Variants in EYS observed in about 807,000 individuals in gnomAD.
The protein encoded by EYS is protein eyes shut homolog.
In EYS, 250 loss-of-function variants were observed where a neutral mutation model predicts 282.1. The ratio of observed to expected loss-of-function variants is 0.89; its 90% CI spans 0.80 to 0.98. The LOEUF is 0.98. EYS is among the 50% of genes least tolerant of loss of function. The pLI is 0.00. For missense variants in EYS, 4,016 were observed against 3,709.0 expected, an observed-to-expected ratio of 1.08 and a Z score of -2.15; for synonymous variants, 1,355 against 1,282.9, an observed-to-expected ratio of 1.06 and a Z score of -1.20.
chr6:64,813,304 G>A (rs757390698), intron 22 of EYS, 74 bp downstream of exon 22: 3 of 1,077,986 alleles, frequency 2.8e-6, no homozygotes, highest in Non-Finnish European at 4.0e-6. Context: ...ACATTGCAGA[G>A]TGCATTACTA....
intron 15 of EYS, among the ~76,000 whole-genome samples, chr6:64,933,958 A>G (rs1188184393): frequency 6.6e-6 from 1 of 151,930 alleles, no homozygotes; most frequent in Non-Finnish European, 1.5e-5. Context: ...GGAACATCAC[A>G]CACCAGGGCC....
At chr6:63,958,893 T>C (rs1765935546) in intron 35 of EYS, among the ~76,000 whole-genome samples, 5 of 152,188 alleles carry the variant, frequency 3.3e-5, no homozygotes, top group Admixed American at 1.3e-4. Flanking sequence ...CCCTTTGAAA[T>C]GTGTTCGCTG....
chr6:64,743,516 T>A (rs1772445486), intron 22 of EYS, among the ~76,000 whole-genome samples: 1 of 152,184 alleles, frequency 6.6e-6, no homozygotes, highest in Non-Finnish European at 1.5e-5. Flanking sequence ...ATTGATATTT[T>A]TGAAAGTTAT....
At chr6:65,625,896 G>A (rs1198936933) in intron 2 of EYS, among the ~76,000 whole-genome samples, 1 of 152,066 alleles carries the variant, frequency 6.6e-6, no homozygotes, top group Admixed American at 6.6e-5. Context: ...ATTCTACATC[G>A]CAATAATCAT....
chr6:65,082,758 C>T (rs944587688), intron 12 of EYS, among the ~76,000 whole-genome samples: 1 of 151,772 alleles, frequency 6.6e-6, no homozygotes, highest in Non-Finnish European at 1.5e-5. Context: ...TACTATCAGC[C>T]TGTTTTGATA....
At chr6:64,203,570 G>T (rs1765533332) in intron 31 of EYS, among the ~76,000 whole-genome samples, 1 of 152,166 alleles carries the variant, frequency 6.6e-6, no homozygotes, top group African/African-American at 2.4e-5. Context: ...ATGGGATTAT[G>T]CCAAAACTTC....
intron 19 of EYS, among the ~76,000 whole-genome samples, chr6:64,882,685 T>G (rs1234129350): frequency 6.6e-6 from 1 of 151,662 alleles, no homozygotes; most frequent in East Asian, 1.9e-4. Flanking sequence ...AGATGCATAA[T>G]GTGTAATTAG....
At chr6:64,418,747 A>T (rs73455408) in intron 28 of EYS, among the ~76,000 whole-genome samples, 1,866 of 152,034 alleles carry the variant, frequency 0.012, 37 homozygotes, top group African/African-American at 0.043. Context: ...CAATTGGAAT[A>T]TATGACTATA....
At chr6:63,960,026 TAA>T (rs78745411) in intron 35 of EYS, among the ~76,000 whole-genome samples, 2 of 139,652 alleles carry the variant, frequency 1.4e-5, no homozygotes, top group Non-Finnish European at 1.6e-5. Context: ...AAAGTAAAAT[TAA>T]AAAAAAAAAA....
intron 31 of EYS, among the ~76,000 whole-genome samples, chr6:64,188,602 A>G (rs541613029): frequency 6.6e-6 from 1 of 152,250 alleles, no homozygotes; most frequent in African/African-American, 2.4e-5. Flanking sequence ...ATTAAATCGG[A>G]TAATTTAGCT....
At chr6:64,879,250 A>G (rs938245916) in intron 19 of EYS, among the ~76,000 whole-genome samples, 4 of 152,112 alleles carry the variant, frequency 2.6e-5, no homozygotes, top group Admixed American at 2.6e-4. Context: ...AGCTTTCTAA[A>G]ATACAATAGC....
chr6:65,125,938 C>T (rs9453195), intron 12 of EYS, among the ~76,000 whole-genome samples: 5,658 of 152,132 alleles, frequency 0.037, 305 homozygotes, highest in African/African-American at 0.12. Flanking sequence ...CTGAACCAAA[C>T]TGTGGGTAGG....
At chr6:64,467,119 G>GA (rs1775943908) in intron 26 of EYS, among the ~76,000 whole-genome samples, 1 of 152,126 alleles carries the variant, frequency 6.6e-6, no homozygotes, top group African/African-American at 2.4e-5. Context: ...TCTCAAAAGA[G>GA]AAAATGCAAA....
chr6:64,431,781 C>A (rs2150460248), intron 28 of EYS, among the ~76,000 whole-genome samples: 1 of 152,104 alleles, frequency 6.6e-6, no homozygotes, highest in South Asian at 2.1e-4. Flanking sequence ...CAAATTATTA[C>A]CTTCCTCTCT....
chr6:64,787,492 TTC>T, intron 22 of EYS, among the ~76,000 whole-genome samples: 1 of 151,958 alleles, frequency 6.6e-6, no homozygotes, highest in Middle Eastern at 3.4e-3. Flanking sequence ...AGAAAATATT[TTC>T]TGTTTTCTTT....
intron 2 of EYS, among the ~76,000 whole-genome samples, chr6:65,632,316 T>C (rs1766945341): frequency 6.6e-6 from 1 of 152,160 alleles, no homozygotes; most frequent in South Asian, 2.1e-4. Context: ...TGATTTCCAC[T>C]TGACAAGTTA....
chr6:64,012,226 A>C lies in EYS; in HGVS notation c.6726-13043T>G, dbSNP rs1165155830. ...GTAAGTCTATTGCTCTGAAGTGAAT[A>C]GTAGCATATGAATTAAGCATTAACT... On this transcript the variant is annotated intron_variant, in intron 33 of 42. Transcript: ENST00000503581. Among the ~76,000 whole-genome samples the C allele has an allele frequency of 3.9e-5, 6 of 152,232 alleles. No individual in the cohort carries two copies. The East Asian group carries it at 1.2e-3, about 29-fold the overall frequency.
At chr6:65,476,070 A>G (rs1327772775) in intron 5 of EYS, among the ~76,000 whole-genome samples, 11 of 152,138 alleles carry the variant, frequency 7.2e-5, no homozygotes, top group Non-Finnish European at 1.6e-4. Flanking sequence ...TTATTAAAAA[A>G]AAATTTAAAA....
chr6:65,597,828 C>T (rs1389649279), intron 2 of EYS, among the ~76,000 whole-genome samples: 1 of 152,042 alleles, frequency 6.6e-6, no homozygotes, highest in African/African-American at 2.4e-5. Flanking sequence ...TGGCCAAGCG[C>T]AGTGGCTCAC....
Sources: allele counts gnomAD v4.1 joint callset (sites outside exome capture counted in the v4.1 genomes callset), GRCh38; gene constraint gnomAD v4.1.1; transcripts MANE v1.5; gene names NCBI Gene and HGNC (gene_info 2026-07-23, HGNC 2026-07-21).